Variants in ITGA1 observed in about 807,000 individuals in gnomAD.
ITGA1 encodes the protein integrin alpha-1.
Under a neutral mutation model 145.9 loss-of-function variants are expected in ITGA1, and 85 were observed. The ratio of observed to expected loss-of-function variants is 0.58; its 90% CI spans 0.49 to 0.70. The LOEUF (loss-of-function observed/expected upper bound fraction) is 0.70, where lower values mean the gene tolerates loss of function less well. ITGA1 is among the 30% of genes least tolerant of loss of function. ITGA1 has a pLI of 0.00. For missense variants in ITGA1, 1,351 were observed against 1,418.7 expected (o/e 0.95, Z 0.77); for synonymous variants, 520 against 495.3 (o/e 1.05, Z -0.66).
At position 52,955,040 on chromosome 5, in the gene ITGA1, T is replaced by C. The variant is rs1393120289; in HGVS notation, c.*2589T>C. On this transcript the variant is annotated 3_prime_UTR_variant, in exon 29 of 29. Transcript: ENST00000282588. ...CAAAAAGTTTCTTTTTCTCTAACTT[T>C]GGTATTCTAAATAATTGATTATTGC... is the stretch of plus-strand genomic sequence containing the variant. The C allele has an allele frequency of 2.0e-5, 3 of 152,218 alleles. No individual in the cohort carries two copies. The highest frequency in any genetic ancestry group is 4.4e-5 in the Non-Finnish European group (3 of 68,038). The allele number at this position is 152,218 out of a possible 1,614,324, so 9.4% of individuals were successfully genotyped here.
chr5:52,948,578 C>A (rs974739312), intron 28 of ITGA1, among the ~76,000 whole-genome samples: 1 of 152,166 alleles, frequency 6.6e-6, no homozygotes, highest in African/African-American at 2.4e-5. Flanking sequence ...TTTTCTCTAG[C>A]AAAGTTCCCC....
At chr5:52,944,808 A>G in intron 26 of ITGA1, 135 bp from the exon 27 acceptor site, 1 of 611,580 alleles carries the variant, frequency 1.6e-6, no homozygotes, top group Non-Finnish European at 2.9e-6. Context: ...TACCAGTTCC[A>G]TTTGGAAGTT....
chr5:52,882,610 C>T (rs761546881), intron 7 of ITGA1, among the ~76,000 whole-genome samples: 23 of 152,166 alleles, frequency 1.5e-4, no homozygotes, highest in Admixed American at 5.2e-4. Context: ...ATTTACAACC[C>T]TTCCTTTCTT....
chr5:52,790,368 C>G (rs1483613191), intron 1 of ITGA1, among the ~76,000 whole-genome samples: 1 of 152,230 alleles, frequency 6.6e-6, no homozygotes, highest in African/African-American at 2.4e-5. Flanking sequence ...TTTCTTATTG[C>G]TGTTGTAACA....
intron 28 of ITGA1, among the ~76,000 whole-genome samples, chr5:52,950,100 T>C (rs1207486921): frequency 6.6e-6 from 1 of 152,220 alleles, no homozygotes; most frequent in Non-Finnish European, 1.5e-5. Flanking sequence ...AGCTGCTTAA[T>C]ACACTTCATG....
chr5:52,814,044 G>C (rs1386808489), intron 1 of ITGA1, among the ~76,000 whole-genome samples: 1 of 152,142 alleles, frequency 6.6e-6, no homozygotes, highest in Non-Finnish European at 1.5e-5. Flanking sequence ...TGGACTGGCA[G>C]GACTCCAGAT....
chr5:52,915,538 T>C lies in ITGA1; in HGVS notation c.1932T>C (p.Asn644=). ...CTATCCACGGAGAAATGGATTTAAA[T>C]GGTGACGGTCTGACAGATGTGACTA... is the stretch of plus-strand genomic sequence containing the variant. ...GQSIHGEMDL[N]GDGLTDVTIG... The change falls in exon 15 of 29, where the codon AAT becomes AAC. Residue 644 remains asparagine, a synonymous_variant. Transcript: ENST00000282588. The C allele has an allele frequency of 6.2e-7, 1 of 1,614,134 alleles. No homozygotes were observed. The highest frequency in any genetic ancestry group is 8.5e-7 in the Non-Finnish European group (1 of 1,179,998).
intron 14 of ITGA1, among the ~76,000 whole-genome samples, chr5:52,911,022 T>A (rs867867908): frequency 9.9e-6 from 1 of 100,764 alleles, no homozygotes; most frequent in Non-Finnish European, 1.9e-5. Context: ...ATACTATATA[T>A]AGTATGTATA....
chr5:52,860,493 C>T (rs1277515199), intron 2 of ITGA1, among the ~76,000 whole-genome samples: 1 of 152,122 alleles, frequency 6.6e-6, no homozygotes, highest in African/African-American at 2.4e-5. Flanking sequence ...TTGCAGTGGG[C>T]CAAGGTCATG....
intron 1 of ITGA1, among the ~76,000 whole-genome samples, chr5:52,805,052 G>A (rs1748563522): frequency 6.6e-6 from 1 of 152,116 alleles, no homozygotes. Flanking sequence ...ATCACTGTTA[G>A]AAGTAACTTG....
intron 28 of ITGA1, among the ~76,000 whole-genome samples, chr5:52,948,196 C>G (rs1180520469): frequency 6.6e-6 from 1 of 152,132 alleles, no homozygotes; most frequent in African/African-American, 2.4e-5. Context: ...GAGATGACAG[C>G]TTTTGGGATA....
rs372775729 is a variant in ITGA1, at chr5:52,852,235, A to G, written c.182+2750A>G. ...GGATGATGGCAGATCTTGAAAGACA[A>G]ACACAGGAGCTTGGACCTAAGATGA... On this transcript the variant is annotated intron_variant, in intron 2 of 28. Coordinates refer to ENST00000282588, the MANE Select transcript of ITGA1 (RefSeq NM_181501.2). 1.3e-3 allele frequency among the ~76,000 whole-genome samples: 194 copies of G among 152,296 alleles called. 1 individual carries two copies. Among genetic ancestry groups the G allele is most frequent in the African/African-American group, 4.4e-3 (183 of 41,570 alleles).
chr5:52,883,873 G>T (rs1750004601), intron 7 of ITGA1, among the ~76,000 whole-genome samples: 1 of 152,140 alleles, frequency 6.6e-6, no homozygotes, highest in Admixed American at 6.5e-5. Flanking sequence ...GTGTACTCAG[G>T]AGTTCTGTCA....
intron 1 of ITGA1, among the ~76,000 whole-genome samples, chr5:52,818,287 G>A (rs1191313627): frequency 6.6e-6 from 1 of 152,106 alleles, no homozygotes; most frequent in East Asian, 1.9e-4. Flanking sequence ...TTGCTGGTGT[G>A]TAAATCACAT....
At chr5:52,834,467 G>A (rs1749124012) in intron 1 of ITGA1, among the ~76,000 whole-genome samples, 1 of 151,388 alleles carries the variant, frequency 6.6e-6, no homozygotes, top group African/African-American at 2.4e-5. Flanking sequence ...GAGAGAGGGA[G>A]AGAGAGACAG....
chr5:52,828,188 G>A (rs1198146628), intron 1 of ITGA1, among the ~76,000 whole-genome samples: 3 of 152,120 alleles, frequency 2.0e-5, no homozygotes, highest in Non-Finnish European at 2.9e-5. Flanking sequence ...TTGTTGACTT[G>A]TAGGGCAACT....
At chr5:52,919,137 G>A (rs538242387) in intron 16 of ITGA1, among the ~76,000 whole-genome samples, 1 of 152,246 alleles carries the variant, frequency 6.6e-6, no homozygotes, top group African/African-American at 2.4e-5. Flanking sequence ...ACACTCCATA[G>A]TTTCTGTCTG....
intron 1 of ITGA1, chr5:52,824,296 T>C (rs1014157021): frequency 6.7e-6 from 1 of 150,354 alleles, no homozygotes; most frequent in Non-Finnish European, 1.5e-5. Context: ...TTTCTTTCTT[T>C]TTTTTTTTTT....
At chr5:52,929,516 C>T in intron 20 of ITGA1, 109 bp from the exon 21 acceptor site, 1 of 645,094 alleles carries the variant, frequency 1.6e-6, no homozygotes. Flanking sequence ...GACAATGTTT[C>T]TCAAATAACT....
Sources: allele counts gnomAD v4.1 joint callset (sites outside exome capture counted in the v4.1 genomes callset), GRCh38; gene constraint gnomAD v4.1.1; transcripts MANE v1.5; gene names NCBI Gene and HGNC (gene_info 2026-07-23, HGNC 2026-07-21).